UNC5A: variants seen among roughly 807,000 people sequenced by gnomAD.
UNC5A encodes netrin receptor UNC5A.
Under a neutral mutation model 87.4 loss-of-function variants are expected in UNC5A, and 20 were observed. The ratio of observed to expected loss-of-function variants is 0.23; its 90% CI spans 0.16 to 0.33. The LOEUF (loss-of-function observed/expected upper bound fraction) is 0.33. Among genes scored for constraint, UNC5A ranks in the 10% least tolerant of loss-of-function variants. The pLI is 1.00. For synonymous variants in UNC5A, 438 were observed against 482.3 expected (o/e 0.91, Z 1.20); for missense variants, 844 against 1,133.4 (o/e 0.74, Z 3.67).
In UNC5A at chr5:176,821,882, G is replaced by T. The variant is rs992967392; in HGVS notation, c.70+11062G>T. Among the ~76,000 whole-genome samples the T allele has an allele frequency of 2.6e-5, 4 of 152,092 alleles. No homozygotes were observed. The East Asian group carries it at 7.7e-4, about 29-fold the overall frequency. ...CTTACCTCCTGGACACCAGACTCTG[G>T]TTAGGCCTTCCCCTGCAGGACTAAT... On this transcript the variant is annotated intron_variant, in intron 1 of 14. Coordinates refer to ENST00000329542, the MANE Select transcript of UNC5A (RefSeq NM_133369.3).
intron 1 of UNC5A, among the ~76,000 whole-genome samples, chr5:176,827,392 AGGC>A (rs1375814851): frequency 1.3e-5 from 2 of 151,984 alleles, no homozygotes; most frequent in Non-Finnish European, 2.9e-5. Flanking sequence ...CATGTTGGCC[AGGC>A]TGATCTCAAA....
At chr5:176,877,355 C>T in intron 9 of UNC5A, 76 bp downstream of exon 9, 2 of 1,438,410 alleles carry the variant, frequency 1.4e-6, no homozygotes, top group Non-Finnish European at 1.9e-6. Context: ...GCCCCCTGCC[C>T]ACCCACTGTT....
At chr5:176,816,235 G>A (rs1272203305) in intron 1 of UNC5A, among the ~76,000 whole-genome samples, 1 of 152,266 alleles carries the variant, frequency 6.6e-6, no homozygotes, top group African/African-American at 2.4e-5. Context: ...CCTGGCAGGG[G>A]CTGCCTGCAT....
In UNC5A at chr5:176,822,946, C is replaced by T. The variant is rs144072950; in HGVS notation, c.70+12126C>T. Among the ~76,000 whole-genome samples the T allele has an allele frequency of 4.2e-3, 633 of 152,184 alleles. 1 individual carries two copies. Among genetic ancestry groups the T allele is most frequent in the Non-Finnish European group, 6.7e-3 (456 of 68,010 alleles). ...ACCACATCTCTGAGCTGGGGAGTGA[C>T]AGGCAGTGAGCAGTGTTTAAGGAAG... On this transcript the variant is annotated intron_variant, in intron 1 of 14. Coordinates refer to ENST00000329542, the MANE Select transcript of UNC5A (RefSeq NM_133369.3).
intron 1 of UNC5A, among the ~76,000 whole-genome samples, chr5:176,860,979 A>G (rs914062861): frequency 1.3e-5 from 2 of 152,124 alleles, no homozygotes; most frequent in African/African-American, 2.4e-5. Flanking sequence ...CCAGCAGCGG[A>G]CAAACTGTCC....
At chr5:176,859,552 G>C (rs79192703) in intron 1 of UNC5A, among the ~76,000 whole-genome samples, 1,856 of 45,194 alleles carry the variant, frequency 0.041, no homozygotes, top group Admixed American at 0.083. Flanking sequence ...ATAGCTGCTA[G>C]AATGTCCTTG....
intron 13 of UNC5A, among the ~76,000 whole-genome samples, chr5:176,879,000 G>A (rs1457135150): frequency 6.6e-6 from 1 of 152,182 alleles, no homozygotes; most frequent in East Asian, 1.9e-4. Context: ...GGGGACTCAG[G>A]CCGTGAAGAG....
intron 6 of UNC5A, among the ~76,000 whole-genome samples, chr5:176,872,786 G>C (rs1170167485): frequency 1.8e-5 from 1 of 56,404 alleles, no homozygotes. Context: ...GCCCACACCT[G>C]CCCCAACACC....
In UNC5A at chr5:176,824,523, G is replaced by A. The variant is rs1756805465; in HGVS notation, c.70+13703G>A. 6.6e-6 allele frequency among the ~76,000 whole-genome samples: 1 copy of A among 151,988 alleles called. No homozygotes were observed. ...AGGTAGCAAGGTGGCAGCAGGCAGG[G>A]CATTTAGCCCCCACGCGGCAGATAG... On this transcript the variant is annotated intron_variant, in intron 1 of 14. Transcript: ENST00000329542. The surrounding 1 kb of genome is among the most constrained non-coding windows in gnomAD (Gnocchi z 4.2).
chr5:176,823,045 G>A (rs1756766790), intron 1 of UNC5A, among the ~76,000 whole-genome samples: 1 of 152,076 alleles, frequency 6.6e-6, no homozygotes, highest in Non-Finnish European at 1.5e-5. Flanking sequence ...CCGGGAGGCT[G>A]CCGTGGTCAT....
In UNC5A at chr5:176,877,196, C is replaced by T. The variant is rs772190264; in HGVS notation, c.1383C>T (p.Ile461=). 76 of 1,611,462 alleles carry T rather than the reference C, an allele frequency of 4.7e-5. No individual in the cohort carries two copies. The highest frequency in any genetic ancestry group is 6.0e-5 in the Non-Finnish European group (71 of 1,178,608). ...GCCCTCTTCCTGCCGTTCCAGGAAT[C>T]AGCCTCCTCATCCCCCCAGATGCCA... The part of the protein sequence containing the change: ...GGRLMIPNTG[I]SLLIPPDAIP... The change falls in exon 9 of 15, where the codon ATC becomes ATT. Residue 461 remains isoleucine (I), a synonymous_variant. Transcript: ENST00000329542.
Position 176,869,048 on chromosome 5 carries a change from G to T in UNC5A, c.721+84G>T. 2 of 1,437,262 alleles carry T rather than the reference G, an allele frequency of 1.4e-6. No homozygotes were observed. The highest frequency in any genetic ancestry group is 2.4e-5 in the East Asian group (1 of 42,042). The allele number at this position is 1,437,262 out of a possible 1,614,324, so 89.0% of individuals were successfully genotyped here. The stretch of plus-strand genomic sequence containing the variant: ...CATGTGGCTGGTGGGGTGAAGAGAG[G>T]CCATGAGGCCAAAGCCAGGTGGACC... On this transcript the variant is annotated intron_variant, in intron 5 of 14. Coordinates refer to ENST00000329542, the MANE Select transcript of UNC5A (RefSeq NM_133369.3). This position sits in a 1 kb window ranked among gnomAD's most constrained non-coding sequence, Gnocchi z 9.1.
Position 176,880,879 on chromosome 5 carries a change from T to TTA in UNC5A, c.*1005_*1006dup, listed in dbSNP as rs760988659. The TTA allele has an allele frequency of 1.3e-4, 65 of 507,454 alleles. No homozygotes were observed. Among genetic ancestry groups the TTA allele is most frequent in the East Asian group, 5.8e-4 (17 of 29,288 alleles). The allele number at this position is 507,454 out of a possible 1,614,324, so 31.4% of individuals were successfully genotyped here. A position where few individuals can be genotyped will look rare whatever the true frequency, so the allele number is the denominator to read the frequency against. Reference sequence around the variant, plus strand: ...TTTATCGGGCGTGAATGTAAATAAATTATATATATATATTGCTAACCTGAG... The same window carrying TTA: ...TTTATCGGGCGTGAATGTAAATAAATTATATATATATATATTGCTAACCTGAG... On this transcript the variant is annotated 3_prime_UTR_variant, in exon 15 of 15. Transcript: ENST00000329542.
chr5:176,833,640 C>G (rs901616688), intron 1 of UNC5A, among the ~76,000 whole-genome samples: 1 of 152,206 alleles, frequency 6.6e-6, no homozygotes, highest in Non-Finnish European at 1.5e-5. Flanking sequence ...CAAGCATAGC[C>G]CATGAGTCTC....
chr5:176,824,713 A>G lies in UNC5A; in HGVS notation c.70+13893A>G, dbSNP rs1456705879. ...CCACTTTGGCAGATGAACACCCCCT[A>G]CTGCTAGGTGCCTCCATGCCCATGC... On this transcript the variant is annotated intron_variant, in intron 1 of 14. Coordinates refer to ENST00000329542, the MANE Select transcript of UNC5A (RefSeq NM_133369.3). This position sits in a 1 kb window ranked among gnomAD's most constrained non-coding sequence, Gnocchi z 4.2. Among the ~76,000 whole-genome samples, 1 of 143,600 alleles carries G rather than the reference A, an allele frequency of 7.0e-6. No homozygotes were observed. The highest frequency in any genetic ancestry group is 1.5e-5 in the Non-Finnish European group (1 of 65,922). 94.2% of individuals were successfully genotyped at this position (143,600 alleles called of 152,430 possible).
intron 1 of UNC5A, among the ~76,000 whole-genome samples, chr5:176,852,392 T>G (rs1363424448): frequency 1.3e-5 from 2 of 150,768 alleles, no homozygotes; most frequent in Non-Finnish European, 2.9e-5. Context: ...ACACACACAC[T>G]ACAGCTACCA....
At chr5:176,860,471 T>C (rs960492936) in intron 1 of UNC5A, among the ~76,000 whole-genome samples, 5 of 152,048 alleles carry the variant, frequency 3.3e-5, no homozygotes, top group African/African-American at 4.8e-5. Flanking sequence ...TCAGCACTGC[T>C]CTCCCTGAGC....
In UNC5A at chr5:176,865,420, G is replaced by A. The variant is rs116132896; in HGVS notation, c.292+2575G>A. ...CCGGCACACACACCGGGAGCCCCTGGCCCACACTCCCCAGCCGGCTCCTGT... is the reference window on the plus strand; with the variant it reads ...CCGGCACACACACCGGGAGCCCCTGACCCACACTCCCCAGCCGGCTCCTGT... On this transcript the variant is annotated intron_variant, in intron 2 of 14. Coordinates refer to ENST00000329542, the MANE Select transcript of UNC5A (RefSeq NM_133369.3). The surrounding 1 kb of genome is among the most constrained non-coding windows in gnomAD (Gnocchi z 5.3). 7.4e-3 allele frequency: 2,660 copies of A among 358,716 alleles called. 22 individuals carry two copies. Among genetic ancestry groups the A allele is most frequent in the Non-Finnish European group, 0.011 (2,052 of 181,214 alleles). 22.2% of individuals were successfully genotyped at this position (358,716 alleles called of 1,614,324 possible). A position where few individuals can be genotyped will look rare whatever the true frequency, so the allele number is the denominator to read the frequency against.
intron 6 of UNC5A, among the ~76,000 whole-genome samples, chr5:176,873,504 A>G (rs543181115): frequency 1.8e-3 from 269 of 152,246 alleles, no homozygotes; most frequent in Non-Finnish European, 3.3e-3. Context: ...GGGGAGGCAG[A>G]CAGAGAGAAG....
Sources: allele counts gnomAD v4.1 joint callset (sites outside exome capture counted in the v4.1 genomes callset), GRCh38; gene constraint gnomAD v4.1.1; non-coding constraint Gnocchi (gnomAD v3.1); transcripts MANE v1.5; gene names NCBI Gene and HGNC (gene_info 2026-07-23, HGNC 2026-07-21).